The following MTMR7 variants were observed in gnomAD, a reference collection of about 807,000 sequenced individuals.
The protein encoded by MTMR7 is myotubularin related protein 7, also known as phosphatidylinositol-3-phosphate phosphatase MTMR7.
A neutral mutation model predicts 81.2 loss-of-function variants in MTMR7; 76 were observed. The ratio of observed to expected loss-of-function variants is 0.94; its 90% CI spans 0.78 to 1.13. The LOEUF (loss-of-function observed/expected upper bound fraction) is 1.13, where lower values mean the gene tolerates loss of function less well. Ranked by LOEUF, MTMR7 falls within the 50% of genes most tolerant of loss-of-function variation. MTMR7 has a pLI of 0.00. For synonymous variants in MTMR7, 372 were observed against 289.8 expected, an observed-to-expected ratio of 1.28 and a Z score of -2.88; for missense variants, 1,044 against 820.0, an observed-to-expected ratio of 1.27 and a Z score of -3.34.
chr8:17,363,145 G>C (rs1366426730), intron 3 of MTMR7, among the ~76,000 whole-genome samples: 1 of 152,196 alleles, frequency 6.6e-6, no homozygotes, highest in African/African-American at 2.4e-5. Context: ...TATCATCTTA[G>C]CTAATGTTGC....
chr8:17,382,737 G>T (rs897802996), intron 1 of MTMR7, among the ~76,000 whole-genome samples: 1 of 152,140 alleles, frequency 6.6e-6, no homozygotes, highest in African/African-American at 2.4e-5. Context: ...CTACAGTAAT[G>T]AGAAGCTAAA....
intron 11 of MTMR7, 30 bp downstream of exon 11, chr8:17,305,727 G>A (rs1817405508): frequency 6.4e-7 from 1 of 1,559,394 alleles, no homozygotes; most frequent in Non-Finnish European, 8.8e-7. Flanking sequence ...TTAAATAAAA[G>A]TTAAACACCA....
At chr8:17,308,065 TGAG>T (rs575785603) in intron 10 of MTMR7, among the ~76,000 whole-genome samples, 97 of 151,376 alleles carry the variant, frequency 6.4e-4, no homozygotes, top group Non-Finnish European at 1.1e-3. Context: ...AAAAATAAAA[TGAG>T]GAAGAAAAAA....
intron 5 of MTMR7, among the ~76,000 whole-genome samples, chr8:17,343,832 G>A (rs1231937967): frequency 6.6e-6 from 1 of 152,286 alleles, no homozygotes; most frequent in South Asian, 2.1e-4. Flanking sequence ...ATTGTGTGCA[G>A]AACAGTAAGT....
At chr8:17,335,043 G>T (rs1240773279) in intron 6 of MTMR7, among the ~76,000 whole-genome samples, 1 of 152,186 alleles carries the variant, frequency 6.6e-6, no homozygotes, top group Non-Finnish European at 1.5e-5. Flanking sequence ...CCAAGGAACT[G>T]AGGCTCCACC....
intron 4 of MTMR7, among the ~76,000 whole-genome samples, chr8:17,349,993 C>A (rs1001563605): frequency 6.6e-6 from 1 of 152,174 alleles, no homozygotes; most frequent in Admixed American, 6.5e-5. Context: ...TGGATCAAAT[C>A]CGGCAACACC....
intron 3 of MTMR7, 151 bp from the exon 4 acceptor site, chr8:17,361,425 G>T: frequency 2.6e-6 from 2 of 758,210 alleles, no homozygotes; most frequent in African/African-American, 1.7e-5. Context: ...GTGTGCAGTG[G>T]ATAGGGTCCC....
chr8:17,386,303 G>C (rs1020802784), intron 1 of MTMR7, among the ~76,000 whole-genome samples: 2 of 152,180 alleles, frequency 1.3e-5, no homozygotes, highest in African/African-American at 2.4e-5. Context: ...ACTTGAGCCA[G>C]GGAGGTCAAG....
intron 1 of MTMR7, among the ~76,000 whole-genome samples, chr8:17,384,655 T>C (rs1029865505): frequency 4.6e-5 from 7 of 152,210 alleles, no homozygotes; most frequent in African/African-American, 1.4e-4. Flanking sequence ...TGATCTCTTA[T>C]AATTACAGAA....
rs978940381 is a variant in MTMR7, at chr8:17,298,323, T to C, written c.*1539A>G. 4 of 152,104 alleles carry C rather than the reference T, an allele frequency of 2.6e-5. No individual in the cohort carries two copies. Among genetic ancestry groups the C allele is most frequent in the Non-Finnish European group, 5.9e-5 (4 of 67,948 alleles). 9.4% of individuals were successfully genotyped at this position (152,104 alleles called of 1,614,324 possible). On this transcript the variant is annotated 3_prime_UTR_variant, in exon 14 of 14. Coordinates refer to ENST00000180173, the MANE Select transcript of MTMR7 (RefSeq NM_004686.5). ...CAGCAGAGAATGCCCAAATTTTATA[T>C]TCTGAAAGAATTAATTACACTTGCT...
At chr8:17,306,438 C>G (rs1459676331) in intron 10 of MTMR7, among the ~76,000 whole-genome samples, 1 of 151,750 alleles carries the variant, frequency 6.6e-6, no homozygotes, top group African/African-American at 2.4e-5. Flanking sequence ...ATTCCCATTC[C>G]TAAAGCGGTT....
At chr8:17,323,693 C>A (rs1818526296) in intron 7 of MTMR7, among the ~76,000 whole-genome samples, 1 of 152,116 alleles carries the variant, frequency 6.6e-6, no homozygotes. Flanking sequence ...GAGAAAGCTT[C>A]CAGGACCAAC....
At chr8:17,408,889 G>T (rs368715366) in intron 1 of MTMR7, among the ~76,000 whole-genome samples, 2 of 152,188 alleles carry the variant, frequency 1.3e-5, no homozygotes, top group African/African-American at 4.8e-5. Flanking sequence ...TCTAGAACCA[G>T]ATGGTGGTGA....
intron 3 of MTMR7, among the ~76,000 whole-genome samples, chr8:17,370,119 C>A (rs997140934): frequency 6.6e-6 from 1 of 151,232 alleles, no homozygotes; most frequent in Non-Finnish European, 1.5e-5. Flanking sequence ...GTTCTTCCTA[C>A]CACATTAAGT....
At chr8:17,408,816 C>T (rs1047698491) in intron 1 of MTMR7, among the ~76,000 whole-genome samples, 1 of 152,116 alleles carries the variant, frequency 6.6e-6, no homozygotes, top group African/African-American at 2.4e-5. Flanking sequence ...TGATGGGCAT[C>T]ATCAAGTTTA....
At chr8:17,321,858 T>TA (rs957189870) in intron 7 of MTMR7, among the ~76,000 whole-genome samples, 3 of 152,164 alleles carry the variant, frequency 2.0e-5, no homozygotes, top group Admixed American at 1.3e-4. Context: ...TAAACTACAG[T>TA]AAAAAAATAA....
In MTMR7 at chr8:17,299,157, A is replaced by G. The variant is rs548756425; in HGVS notation, c.*705T>C. 1 of 152,196 alleles carries G rather than the reference A, an allele frequency of 6.6e-6. No homozygotes were observed. Among genetic ancestry groups the G allele is most frequent in the South Asian group, 2.1e-4 (1 of 4,828 alleles). 9.4% of individuals were successfully genotyped at this position (152,196 alleles called of 1,614,324 possible). On this transcript the variant is annotated 3_prime_UTR_variant, in exon 14 of 14. Coordinates refer to ENST00000180173, the MANE Select transcript of MTMR7 (RefSeq NM_004686.5). Reference sequence around the variant, plus strand: ...GACCAGGAGAATGAATGTTGCTTCTACCTCGTTAGCTATTAAATCAGTGTT... The same window carrying G: ...GACCAGGAGAATGAATGTTGCTTCTGCCTCGTTAGCTATTAAATCAGTGTT...
At chr8:17,410,247 A>G (rs962086067) in intron 1 of MTMR7, among the ~76,000 whole-genome samples, 15 of 152,178 alleles carry the variant, frequency 9.9e-5, no homozygotes, top group African/African-American at 3.1e-4. Flanking sequence ...CACGTATTCT[A>G]TTTCATAACT....
intron 6 of MTMR7, among the ~76,000 whole-genome samples, chr8:17,336,180 C>T (rs773847200): frequency 1.2e-4 from 19 of 152,118 alleles, no homozygotes; most frequent in Non-Finnish European, 2.8e-4. Context: ...AGGAGATGCG[C>T]CTTGGCTTGA....
Sources: gnomAD v4.1 joint callset for allele counts (sites outside exome capture counted in the v4.1 genomes callset) on GRCh38, gnomAD v4.1.1 for gene constraint, MANE v1.5 for transcripts, NCBI Gene and HGNC (gene_info 2026-07-23, HGNC 2026-07-21) for gene names.